Variants in IFT52 observed in about 807,000 individuals in gnomAD.
IFT52 encodes intraflagellar transport protein 52 homolog.
A neutral mutation model predicts 54.4 loss-of-function variants in IFT52; 44 were observed. The observed-to-expected ratio is 0.81, with a 90% CI of 0.63 to 1.04. The LOEUF (loss-of-function observed/expected upper bound fraction) is 1.04, where lower values mean the gene tolerates loss of function less well. IFT52 is among the 50% of genes least tolerant of loss of function. IFT52 has a pLI of 0.00. For missense variants in IFT52, 452 were observed against 523.6 expected (o/e 0.86, Z 1.33); for synonymous variants, 181 against 185.3 (o/e 0.98, Z 0.19).
At chr20:43,641,670 A>G (rs1985930923) in intron 12 of IFT52, among the ~76,000 whole-genome samples, 1 of 145,120 alleles carries the variant, frequency 6.9e-6, no homozygotes, top group African/African-American at 2.6e-5. Context: ...ATTTTTTTGT[A>G]TTTTTAGTAG....
intron 3 of IFT52, among the ~76,000 whole-genome samples, chr20:43,600,757 C>T (rs993966248): frequency 1.3e-5 from 2 of 151,960 alleles, no homozygotes; most frequent in African/African-American, 2.4e-5. Context: ...GAACACCAGA[C>T]GTCAGGAGTT....
chr20:43,595,316 C>CAA (rs34012263), intron 2 of IFT52, among the ~76,000 whole-genome samples: 46 of 62,882 alleles, frequency 7.3e-4, no homozygotes, highest in African/African-American at 7.9e-4. Context: ...GACTCCGTCT[C>CAA]AAAAAAAAAA....
chr20:43,622,716 T>A (rs889348355), intron 9 of IFT52, among the ~76,000 whole-genome samples: 3 of 146,936 alleles, frequency 2.0e-5, no homozygotes, highest in East Asian at 3.9e-4. Flanking sequence ...TACATATTTT[T>A]ATGTAAATAT....
intron 10 of IFT52, among the ~76,000 whole-genome samples, chr20:43,630,835 C>T (rs753968936): frequency 2.6e-5 from 4 of 152,166 alleles, no homozygotes; most frequent in African/African-American, 4.8e-5. Flanking sequence ...GTCCCTTACC[C>T]GGTTCCCATC....
chr20:43,617,340 A>T (rs1490106734), intron 7 of IFT52, among the ~76,000 whole-genome samples: 1 of 152,214 alleles, frequency 6.6e-6, no homozygotes, highest in Non-Finnish European at 1.5e-5. Context: ...TTTATCTGAT[A>T]GGAAAAAGTA....
intron 3 of IFT52, among the ~76,000 whole-genome samples, chr20:43,601,942 G>T (rs1486794934): frequency 1.1e-4 from 16 of 152,104 alleles, no homozygotes; most frequent in Non-Finnish European, 1.5e-4. Context: ...CCTAGTAACA[G>T]GTCCTAGGAC....
chr20:43,604,341 G>C, intron 5 of IFT52, 83 bp downstream of exon 5: 2 of 980,248 alleles, frequency 2.0e-6, no homozygotes, highest in South Asian at 2.7e-5. Flanking sequence ...AGCCAAGGTG[G>C]ATGGATCATT....
chr20:43,612,292 AG>A (rs1164843184), intron 6 of IFT52, among the ~76,000 whole-genome samples: 27 of 152,184 alleles, frequency 1.8e-4, no homozygotes, highest in Non-Finnish European at 1.6e-4. Context: ...GAGTAAGGGT[AG>A]AAGGTGGAGT....
At chr20:43,594,588 T>C (rs145902295) in intron 1 of IFT52, 105 bp from the exon 2 acceptor site, 63 of 675,234 alleles carry the variant, frequency 9.3e-5, no homozygotes, top group African/African-American at 8.2e-4. Context: ...GTTTCAGTTG[T>C]ATACCCTTTC....
intron 3 of IFT52, among the ~76,000 whole-genome samples, chr20:43,597,532 G>T (rs1568709678): frequency 6.6e-6 from 1 of 152,170 alleles, no homozygotes. Context: ...CACTGATGGT[G>T]GGAATGTAAA....
intron 7 of IFT52, among the ~76,000 whole-genome samples, chr20:43,617,575 T>C (rs916128250): frequency 2.6e-5 from 4 of 151,846 alleles, no homozygotes; most frequent in African/African-American, 9.7e-5. Context: ...TCCTGAGTAG[T>C]TGGGATTACA....
Position 43,639,408 on chromosome 20 carries a change from C to A in IFT52, c.1120+2155C>A, listed in dbSNP as rs531294247. Among the ~76,000 whole-genome samples, 196 of 152,220 alleles carry A rather than the reference C, an allele frequency of 1.3e-3. 1 individual carries two copies. Among genetic ancestry groups the A allele is most frequent in the African/African-American group, 4.6e-3 (192 of 41,540 alleles). On this transcript the variant is annotated intron_variant, in intron 12 of 13. Coordinates refer to ENST00000373030, the MANE Select transcript of IFT52 (RefSeq NM_016004.5). ...AAAAAAGGCTGGGTGCAGTGGCTCACGCCTGTAATCCCGGCACATTGGGAG... is the reference window on the plus strand; with the variant it reads ...AAAAAAGGCTGGGTGCAGTGGCTCAAGCCTGTAATCCCGGCACATTGGGAG...
intron 10 of IFT52, among the ~76,000 whole-genome samples, chr20:43,625,330 GA>G (rs1358741631): frequency 5.9e-5 from 9 of 151,998 alleles, no homozygotes; most frequent in Non-Finnish European, 7.4e-5. Context: ...CCAACATGGC[GA>G]AACCCCGTCT....
intron 9 of IFT52, among the ~76,000 whole-genome samples, chr20:43,621,361 A>G (rs891078879): frequency 1.3e-5 from 2 of 152,258 alleles, no homozygotes; most frequent in African/African-American, 4.8e-5. Flanking sequence ...GACAAGGGAA[A>G]GTGGTGAAAC....
chr20:43,607,234 C>T (rs1383628902), intron 6 of IFT52, among the ~76,000 whole-genome samples: 7 of 134,586 alleles, frequency 5.2e-5, no homozygotes, highest in African/African-American at 1.6e-4. Flanking sequence ...ACCTCCCTCC[C>T]GGACGGGGCG....
rs370538910 is a variant in IFT52, at chr20:43,646,923, T to C, written c.1267-13T>C. Reference sequence around the variant, plus strand: ...TGAAATACTAAAATTCTGTGTCTTATTCTCTCATCCAGGAACATGACATCG... The same window carrying C: ...TGAAATACTAAAATTCTGTGTCTTACTCTCTCATCCAGGAACATGACATCG... On this transcript the variant is annotated splice_polypyrimidine_tract_variant and intron_variant, in intron 13 of 13. Coordinates refer to ENST00000373030, the MANE Select transcript of IFT52 (RefSeq NM_016004.5). 1.2e-5 allele frequency: 20 copies of C among 1,609,882 alleles called. No individual in the cohort carries two copies. The African/African-American group carries it at 2.5e-4, about 20-fold the overall frequency.
chr20:43,605,141 A>G, intron 6 of IFT52, 68 bp downstream of exon 6: 13 of 1,582,628 alleles, frequency 8.2e-6, no homozygotes, highest in Non-Finnish European at 1.0e-5. Context: ...TCAAAATGAA[A>G]AGAGCTTTTG....
chr20:43,601,449 A>G (rs1982434414), intron 3 of IFT52, among the ~76,000 whole-genome samples: 1 of 152,190 alleles, frequency 6.6e-6, no homozygotes, highest in African/African-American at 2.4e-5. Context: ...GAAGGGTCTC[A>G]CTTACGTGTA....
At chr20:43,597,524 CT>C (rs1347982564) in intron 3 of IFT52, among the ~76,000 whole-genome samples, 18 of 152,186 alleles carry the variant, frequency 1.2e-4, no homozygotes, top group Non-Finnish European at 2.6e-4. Flanking sequence ...CCCTTCCACA[CT>C]GATGGTGGGA....
Sources: gnomAD v4.1 joint callset for allele counts (sites outside exome capture counted in the v4.1 genomes callset) on GRCh38, gnomAD v4.1.1 for gene constraint, MANE v1.5 for transcripts, NCBI Gene and HGNC (gene_info 2026-07-23, HGNC 2026-07-21) for gene names.